SNTB1: variants seen among roughly 807,000 people sequenced by gnomAD.
SNTB1 encodes the protein beta-1-syntrophin.
Under a neutral mutation model 48.9 loss-of-function variants are expected in SNTB1, and 36 were observed. The ratio of observed to expected loss-of-function variants is 0.74; its 90% confidence interval spans 0.56 to 0.97. SNTB1 has a LOEUF of 0.97. Ranked by LOEUF, SNTB1 falls within the 50% of genes least tolerant of loss-of-function variation. The pLI, the probability that SNTB1 is intolerant of heterozygous loss-of-function variation, is 0.00. For missense variants in SNTB1, 786 were observed against 703.4 expected (o/e 1.12, Z -1.33); for synonymous variants, 299 against 294.6 (o/e 1.01, Z -0.15).
At chr8:120,770,106 A>G (rs1387456729) in intron 1 of SNTB1, among the ~76,000 whole-genome samples, 1 of 152,176 alleles carries the variant, frequency 6.6e-6, no homozygotes, top group African/African-American at 2.4e-5. Context: ...CTTTTCTATC[A>G]GGAAATGCAT....
intron 1 of SNTB1, among the ~76,000 whole-genome samples, chr8:120,698,256 T>C (rs745571499): frequency 8.5e-5 from 13 of 152,168 alleles, no homozygotes; most frequent in Admixed American, 3.3e-4. Flanking sequence ...GCTTTAGATA[T>C]CACCTCTGCT....
intron 2 of SNTB1, among the ~76,000 whole-genome samples, chr8:120,682,843 C>A (rs1305637655): frequency 1.3e-5 from 2 of 151,290 alleles, no homozygotes; most frequent in African/African-American, 4.9e-5. Context: ...GGTAAATTAT[C>A]CAAAAGATAA....
intron 3 of SNTB1, among the ~76,000 whole-genome samples, chr8:120,590,665 CTTTT>C (rs989374539): frequency 1.4e-5 from 2 of 145,874 alleles, no homozygotes; most frequent in Non-Finnish European, 3.0e-5. Flanking sequence ...AGGTTTCTTT[CTTTT>C]GTTTTCTTTT....
At chr8:120,653,144 TCCTG>T (rs1476181453) in intron 2 of SNTB1, among the ~76,000 whole-genome samples, 2 of 152,314 alleles carry the variant, frequency 1.3e-5, no homozygotes, top group Admixed American at 6.5e-5. Context: ...AAATTCATGT[TCCTG>T]GGGAACCTCA....
intron 4 of SNTB1, chr8:120,571,502 T>A: frequency 3.0e-6 from 1 of 334,720 alleles, no homozygotes; most frequent in East Asian, 1.1e-4. Context: ...TTTTTTTTTT[T>A]TTTTTTTTTT....
rs1010472578 is a variant in SNTB1, at chr8:120,787,894, T to C, written c.571+23379A>G. ...GATCAAATAATTCCTGGAAGATTCA[T>C]TGCACAAAGAAAATCATCAAGACAT... On this transcript the variant is annotated intron_variant, in intron 1 of 6. Coordinates refer to ENST00000517992, the MANE Select transcript of SNTB1 (RefSeq NM_021021.4). Among the ~76,000 whole-genome samples the C allele has an allele frequency of 2.6e-4, 39 of 152,110 alleles. 2 individuals carry two copies. The highest frequency in any genetic ancestry group is 2.4e-5 in the African/African-American group (1 of 41,434).
At chr8:120,767,134 T>C (rs1326994767) in intron 1 of SNTB1, among the ~76,000 whole-genome samples, 1 of 152,240 alleles carries the variant, frequency 6.6e-6, no homozygotes, top group Non-Finnish European at 1.5e-5. Context: ...GTCACTACCT[T>C]GTGTGTGTAT....
rs1335989555 is a variant in SNTB1 at position 120,669,769 on chromosome 8, T to C, written c.788+23923A>G. Among the ~76,000 whole-genome samples the C allele has an allele frequency of 1.3e-5, 2 of 152,164 alleles. 1 individual carries two copies. The highest frequency in any genetic ancestry group is 4.8e-5 in the African/African-American group (2 of 41,420). ...GCCCGGCCGAAAATGCTTGTTAAAC[T>C]GTAATGGGATGAATCATATTAAAAT... On this transcript the variant is annotated intron_variant, in intron 2 of 6. Coordinates refer to ENST00000517992, the MANE Select transcript of SNTB1 (RefSeq NM_021021.4).
intron 1 of SNTB1, among the ~76,000 whole-genome samples, chr8:120,804,336 A>G (rs373767273): frequency 1.8e-4 from 27 of 151,852 alleles, no homozygotes; most frequent in African/African-American, 5.8e-4. Context: ...TGTTCCAGGC[A>G]CTGTGCTAAA....
At chr8:120,779,658 A>C (rs796862705) in intron 1 of SNTB1, among the ~76,000 whole-genome samples, 27 of 152,294 alleles carry the variant, frequency 1.8e-4, no homozygotes, top group African/African-American at 6.3e-4. Flanking sequence ...GAGGAATAAA[A>C]ATTTGCAAGC....
At chr8:120,765,652 A>C (rs1819508724) in intron 1 of SNTB1, 1 of 152,258 alleles carries the variant, frequency 6.6e-6, no homozygotes. Context: ...CCCTTTAATA[A>C]TTGGCATTAA....
At chr8:120,627,573 G>A (rs1046559540) in intron 3 of SNTB1, among the ~76,000 whole-genome samples, 9 of 152,186 alleles carry the variant, frequency 5.9e-5, no homozygotes, top group African/African-American at 2.2e-4. Flanking sequence ...TCTTCTTTTA[G>A]AGTCATGAGA....
chr8:120,643,710 G>A (rs1463218936), intron 2 of SNTB1, among the ~76,000 whole-genome samples: 2 of 152,134 alleles, frequency 1.3e-5, no homozygotes, highest in East Asian at 1.9e-4. Context: ...GTTGTGAATT[G>A]TGTTGCTATA....
chr8:120,795,520 G>GAA (rs35086290), intron 1 of SNTB1, among the ~76,000 whole-genome samples: 2 of 151,888 alleles, frequency 1.3e-5, no homozygotes, highest in African/African-American at 4.8e-5. Flanking sequence ...TTGACAAAGA[G>GAA]AAAAAATATC....
intron 6 of SNTB1, among the ~76,000 whole-genome samples, chr8:120,540,889 T>C (rs967927188): frequency 1.3e-5 from 2 of 152,104 alleles, no homozygotes; most frequent in African/African-American, 2.4e-5. Flanking sequence ...TTCTGAGAGA[T>C]AAAAAGTCCC....
intron 1 of SNTB1, among the ~76,000 whole-genome samples, chr8:120,742,944 A>G (rs1275697642): frequency 6.6e-6 from 1 of 152,160 alleles, no homozygotes; most frequent in East Asian, 1.9e-4. Flanking sequence ...GCCAGATACG[A>G]ATTTCAAAAA....
At chr8:120,676,019 C>T (rs1322194105) in intron 2 of SNTB1, among the ~76,000 whole-genome samples, 1 of 152,204 alleles carries the variant, frequency 6.6e-6, no homozygotes, top group Non-Finnish European at 1.5e-5. Context: ...GTAAATCTTT[C>T]ACTGAATCTG....
At chr8:120,609,775 T>A (rs531508023) in intron 3 of SNTB1, among the ~76,000 whole-genome samples, 2 of 152,334 alleles carry the variant, frequency 1.3e-5, no homozygotes, top group Admixed American at 1.3e-4. Context: ...TGTCTCACTT[T>A]GTTATTACAT....
intron 1 of SNTB1, among the ~76,000 whole-genome samples, chr8:120,741,378 G>A (rs1377235422): frequency 1.3e-5 from 2 of 152,342 alleles, no homozygotes; most frequent in East Asian, 3.9e-4. Flanking sequence ...GGAGGCCGAG[G>A]TGGGCAGATC....
Sources: gnomAD v4.1 joint callset for allele counts (sites outside exome capture counted in the v4.1 genomes callset) on GRCh38, gnomAD v4.1.1 for gene constraint, MANE v1.5 for transcripts, NCBI Gene and HGNC (gene_info 2026-07-23, HGNC 2026-07-21) for gene names.